SHCBP1: variants seen among roughly 807,000 people sequenced by gnomAD.
The protein encoded by SHCBP1 is SHC SH2 domain-binding protein 1.
A neutral mutation model predicts 75.1 loss-of-function variants in SHCBP1; 60 were observed. The ratio of observed to expected loss-of-function variants is 0.80; its 90% CI spans 0.65 to 0.99. SHCBP1 has a LOEUF of 0.99. Among genes scored for constraint, SHCBP1 ranks in the 50% least tolerant of loss-of-function variants. SHCBP1 has a pLI of 0.00. For synonymous variants in SHCBP1, 290 were observed against 293.2 expected (o/e 0.99, Z 0.11); for missense variants, 709 against 809.4 (o/e 0.88, Z 1.50).
chr16:46,595,545 CT>C lies in SHCBP1; in HGVS notation c.1464+6del. The C allele has an allele frequency of 6.2e-7, 1 of 1,607,928 alleles. No individual in the cohort carries two copies. Among genetic ancestry groups the C allele is most frequent in the Non-Finnish European group, 8.5e-7 (1 of 1,174,460 alleles). On this transcript the variant is annotated splice_donor_region_variant and intron_variant, in intron 10 of 12. Coordinates refer to ENST00000303383, the MANE Select transcript of SHCBP1 (RefSeq NM_024745.5). Reference sequence around the variant, plus strand: ...AACTACTTCCCCAAGAGGACAAGAGCTTCTACCTTGGCGCCATATAAATCCG... The same window carrying C: ...AACTACTTCCCCAAGAGGACAAGAGCTCTACCTTGGCGCCATATAAATCCG...
At chr16:46,620,021 A>C (rs1229971590) in intron 1 of SHCBP1, among the ~76,000 whole-genome samples, 1 of 152,208 alleles carries the variant, frequency 6.6e-6, no homozygotes, top group Non-Finnish European at 1.5e-5. Context: ...TGGGCAACAG[A>C]GTGAGACTCT....
At position 46,599,875 on chromosome 16, in the gene SHCBP1, G is replaced by C. The variant is rs746511129; in HGVS notation, c.1301C>G (p.Ser434Ter). 6.2e-7 allele frequency: 1 copy of C among 1,611,984 alleles called. No individual in the cohort carries two copies. The highest frequency in any genetic ancestry group is 1.3e-5 in the African/African-American group (1 of 74,748). Residue 434 changes from serine (S) to a stop codon, truncating the protein, a stop_gained, in exon 9 of 13, where the codon TCA (serine) becomes TGA (stop). Transcript: ENST00000303383. LOFTEE classifies it high-confidence loss of function. ...ATCATGCTGAACAAATTTTATGCCT[G>C]AGATTTTAATATCAGCACCAGTGCA... The part of the protein sequence containing the change: ...VDCTGADIKI[S>*]GIKFVQHDAV...
chr16:46,581,235 G>T lies in SHCBP1; in HGVS notation c.*494C>A, dbSNP rs1431285129. 1 of 154,664 alleles carries T rather than the reference G, an allele frequency of 6.5e-6. No individual in the cohort carries two copies. Among genetic ancestry groups the T allele is most frequent in the African/African-American group, 2.4e-5 (1 of 41,416 alleles). 9.6% of individuals were successfully genotyped at this position (154,664 alleles called of 1,614,324 possible). A position where few individuals can be genotyped will look rare whatever the true frequency, so the allele number is the denominator to read the frequency against. ...ACGTCTCAATAATAAGTCTGATTAG[G>T]CAGATAAATTCCCAATCATAAAAGC... On this transcript the variant is annotated 3_prime_UTR_variant, in exon 13 of 13. Transcript: ENST00000303383.
chr16:46,579,384 A>G lies in SHCBP1; in HGVS notation c.*2345T>C, dbSNP rs1054656494. Among the ~76,000 whole-genome samples the G allele has an allele frequency of 6.6e-6, 1 of 152,232 alleles. No homozygotes were observed. The highest frequency in any genetic ancestry group is 1.5e-5 in the Non-Finnish European group (1 of 68,042). Reference sequence around the variant, plus strand: ...AGAACAAAGTAGGCCTACTCATTATAATGAATCATGTGAATAAAAATTAAT... The same window carrying G: ...AGAACAAAGTAGGCCTACTCATTATGATGAATCATGTGAATAAAAATTAAT... On this transcript the variant is annotated 3_prime_UTR_variant, in exon 13 of 13. Transcript: ENST00000303383.
chr16:46,615,539 A>C (rs1247470568), intron 4 of SHCBP1, among the ~76,000 whole-genome samples: 3 of 152,194 alleles, frequency 2.0e-5, no homozygotes, highest in Non-Finnish European at 2.9e-5. Context: ...CAAGAGTTCG[A>C]GACTGACCTG....
At chr16:46,601,742 A>G (rs1011471264) in intron 8 of SHCBP1, among the ~76,000 whole-genome samples, 1 of 151,342 alleles carries the variant, frequency 6.6e-6, no homozygotes, top group African/African-American at 2.5e-5. Flanking sequence ...TTATCATCAG[A>G]AAAATTAAAA....
chr16:46,596,335 G>A (rs1013809687), intron 9 of SHCBP1, among the ~76,000 whole-genome samples: 4 of 151,822 alleles, frequency 2.6e-5, no homozygotes, highest in East Asian at 2.0e-4. Flanking sequence ...GTGAAAACCC[G>A]TCTCTACTAA....
At chr16:46,588,905 C>T (rs9673514) in intron 10 of SHCBP1, among the ~76,000 whole-genome samples, 142,492 of 152,206 alleles carry the variant, frequency 0.94, 67,310 homozygotes, top group East Asian at 1. Context: ...TGATGAACAT[C>T]GATGCAAAAA....
intron 5 of SHCBP1, among the ~76,000 whole-genome samples, chr16:46,605,740 TG>T (rs1461685401): frequency 6.6e-5 from 10 of 152,238 alleles, no homozygotes; most frequent in South Asian, 4.1e-4. Flanking sequence ...TAAATGATGT[TG>T]TTTTTTTTTA....
At chr16:46,588,275 A>C (rs1260932842) in intron 10 of SHCBP1, among the ~76,000 whole-genome samples, 1 of 152,110 alleles carries the variant, frequency 6.6e-6, no homozygotes, top group Non-Finnish European at 1.5e-5. Flanking sequence ...GAAGCAAGAG[A>C]AAGCACATTC....
At chr16:46,602,332 G>A (rs984797349) in intron 8 of SHCBP1, among the ~76,000 whole-genome samples, 1 of 152,110 alleles carries the variant, frequency 6.6e-6, no homozygotes, top group African/African-American at 2.4e-5. Flanking sequence ...ATAAAAAAGG[G>A]GGTGAGATGA....
At position 46,581,939 on chromosome 16, in the gene SHCBP1, G is replaced by A. The variant is rs932581951; in HGVS notation, c.1809C>T (p.Asp603=). The change falls in exon 13 of 13, where the codon GAC becomes GAT. Residue 603 remains aspartate (D), a synonymous_variant. Coordinates refer to ENST00000303383, the MANE Select transcript of SHCBP1 (RefSeq NM_024745.5). The stretch of plus-strand genomic sequence containing the variant: ...AATTTCCCTCGACTTGCTCAGAAGG[G>A]TCAGTTCTTGCACAAAGCTCCATTT... ...TGKMELCART[D]PSEQVEGNCE... 6.2e-7 allele frequency: 1 copy of A among 1,614,010 alleles called. No individual in the cohort carries two copies.
chr16:46,600,557 C>G (rs1965216740), intron 8 of SHCBP1, among the ~76,000 whole-genome samples: 2 of 152,200 alleles, frequency 1.3e-5, no homozygotes, highest in African/African-American at 4.8e-5. Flanking sequence ...GTTTCTAACT[C>G]TAACATTCTA....
At chr16:46,598,987 G>A (rs1965187250) in intron 9 of SHCBP1, among the ~76,000 whole-genome samples, 1 of 152,166 alleles carries the variant, frequency 6.6e-6, no homozygotes, top group Non-Finnish European at 1.5e-5. Context: ...ACCTCCTTCA[G>A]TCTTCACAGA....
intron 5 of SHCBP1, 52 bp downstream of exon 5, chr16:46,608,245 A>AT: frequency 7.7e-7 from 1 of 1,301,290 alleles, no homozygotes; most frequent in South Asian, 1.2e-5. Context: ...AAATTAAACC[A>AT]TGGGTAACTA....
At chr16:46,609,544 T>C (rs7205598) in intron 4 of SHCBP1, among the ~76,000 whole-genome samples, 147,292 of 149,510 alleles carry the variant, frequency 0.99, 72,580 homozygotes, top group East Asian at 1. Flanking sequence ...CTCTGCCTCC[T>C]GGGTTCGAGC....
At chr16:46,606,534 A>G (rs892417444) in intron 5 of SHCBP1, among the ~76,000 whole-genome samples, 2 of 152,150 alleles carry the variant, frequency 1.3e-5, no homozygotes, top group Non-Finnish European at 2.9e-5. Flanking sequence ...ATCAGAATAC[A>G]ATTTTTTTCC....
At chr16:46,614,853 A>T (rs931289129) in intron 4 of SHCBP1, among the ~76,000 whole-genome samples, 1 of 152,204 alleles carries the variant, frequency 6.6e-6, no homozygotes, top group African/African-American at 2.4e-5. Context: ...CCAATTAAGA[A>T]TCCCCTACTT....
chr16:46,583,109 T>A (rs1173534380), intron 12 of SHCBP1, among the ~76,000 whole-genome samples: 1 of 152,162 alleles, frequency 6.6e-6, no homozygotes, highest in Non-Finnish European at 1.5e-5. Context: ...GCACATTCAT[T>A]TCACTGTCTC....
Sources: gnomAD v4.1 joint callset for allele counts (sites outside exome capture counted in the v4.1 genomes callset) on GRCh38, gnomAD v4.1.1 for gene constraint, MANE v1.5 for transcripts, NCBI Gene and HGNC (gene_info 2026-07-23, HGNC 2026-07-21) for gene names.